Variants in SMG7 observed in about 807,000 individuals in gnomAD.
The protein encoded by SMG7 is nonsense-mediated mRNA decay factor SMG7.
A neutral mutation model predicts 148.2 loss-of-function variants in SMG7; 34 were observed. The ratio of observed to expected loss-of-function variants is 0.23; its 90% CI spans 0.17 to 0.31. The LOEUF is 0.31. Ranked by LOEUF, SMG7 falls within the 10% of genes least tolerant of loss-of-function variation. The probability of loss-of-function intolerance (pLI) is 1.00; values close to 1 mark genes in which losing one functional copy is unlikely to be tolerated. For missense variants in SMG7, 1,114 were observed against 1,408.4 expected, an observed-to-expected ratio of 0.79 and a Z score of 3.35; for synonymous variants, 492 against 515.1, an observed-to-expected ratio of 0.96 and a Z score of 0.61.
chr1:183,475,216 G>A (rs1409315901), intron 1 of SMG7, among the ~76,000 whole-genome samples: 1 of 152,166 alleles, frequency 6.6e-6, no homozygotes, highest in Non-Finnish European at 1.5e-5. Flanking sequence ...AGGGTACACT[G>A]GTGAATAAAA....
At chr1:183,474,092 A>G (rs1230087702) in intron 1 of SMG7, among the ~76,000 whole-genome samples, 1 of 152,168 alleles carries the variant, frequency 6.6e-6, no homozygotes, top group Non-Finnish European at 1.5e-5. Context: ...CCTTTTTTTC[A>G]TCTTAGATAT....
intron 1 of SMG7, among the ~76,000 whole-genome samples, chr1:183,504,728 T>A (rs1660516241): frequency 2.0e-5 from 3 of 152,174 alleles, no homozygotes; most frequent in Admixed American, 2.0e-4. Context: ...ATTTTGTAAT[T>A]ATCCCAAATA....
rs544668153 is a variant in SMG7 at position 183,509,577 on chromosome 1, ATCAAT to A, written c.30-3253_30-3249del. ...TTATATTTTCCATTTAGCTGTCTTT[ATCAAT>A]TCAATTTAGCAAGGTTACTTTTAAA... On this transcript the variant is annotated intron_variant, in intron 1 of 22. Coordinates refer to ENST00000688051, the MANE Select transcript of SMG7 (RefSeq NM_001375584.1). Among the ~76,000 whole-genome samples, 78 of 152,258 alleles carry A rather than the reference ATCAAT, an allele frequency of 5.1e-4. 2 individuals are homozygous for A. The South Asian group carries it at 0.016, about 30-fold the overall frequency.
At chr1:183,506,033 T>A (rs1217465341) in intron 1 of SMG7, among the ~76,000 whole-genome samples, 1 of 152,220 alleles carries the variant, frequency 6.6e-6, no homozygotes, top group African/African-American at 2.4e-5. Context: ...TCTCACAATT[T>A]GTTCTGTCTG....
chr1:183,539,490 A>C (rs1442254913), intron 12 of SMG7, among the ~76,000 whole-genome samples: 1 of 152,050 alleles, frequency 6.6e-6, no homozygotes, highest in Non-Finnish European at 1.5e-5. Flanking sequence ...AATCAAATCC[A>C]TCCCTATGTC....
At chr1:183,487,700 C>G (rs533106460) in intron 1 of SMG7, among the ~76,000 whole-genome samples, 1 of 152,326 alleles carries the variant, frequency 6.6e-6, no homozygotes, top group Admixed American at 6.5e-5. Context: ...AATGGATTAG[C>G]CACAGTCCCC....
In SMG7 at chr1:183,553,037, A is replaced by G. The variant is rs1350477399; in HGVS notation, c.*1106A>G. Reference sequence around the variant, plus strand: ...AAGACAGTCTGAAGAGGAAGGAAGCAGCAGTATCTGCGTAGCCCACAGAGG... The same window carrying G: ...AAGACAGTCTGAAGAGGAAGGAAGCGGCAGTATCTGCGTAGCCCACAGAGG... On this transcript the variant is annotated 3_prime_UTR_variant, in exon 23 of 23. Coordinates refer to ENST00000688051, the MANE Select transcript of SMG7 (RefSeq NM_001375584.1). The G allele has an allele frequency of 6.5e-7, 1 of 1,536,176 alleles. No homozygotes were observed. Among genetic ancestry groups the G allele is most frequent in the Non-Finnish European group, 8.7e-7 (1 of 1,146,954 alleles).
intron 1 of SMG7, among the ~76,000 whole-genome samples, chr1:183,494,234 A>C (rs1460714641): frequency 6.6e-6 from 1 of 151,848 alleles, no homozygotes; most frequent in Non-Finnish European, 1.5e-5. Context: ...TATATTATAT[A>C]ATTTTATGTA....
intron 12 of SMG7, among the ~76,000 whole-genome samples, chr1:183,538,666 T>C (rs1162550546): frequency 6.6e-6 from 1 of 152,190 alleles, no homozygotes; most frequent in Non-Finnish European, 1.5e-5. Flanking sequence ...GTGCCCTTGA[T>C]CCCATCCCTT....
At chr1:183,482,635 A>G (rs867595203) in intron 1 of SMG7, among the ~76,000 whole-genome samples, 2 of 152,282 alleles carry the variant, frequency 1.3e-5, no homozygotes, top group Middle Eastern at 3.4e-3. Flanking sequence ...ATGTTCACAT[A>G]ACTTATTATA....
chr1:183,520,171 A>G (rs1664462901), intron 4 of SMG7, among the ~76,000 whole-genome samples: 1 of 152,186 alleles, frequency 6.6e-6, no homozygotes, highest in African/African-American at 2.4e-5. Context: ...CTACAAGAGA[A>G]TAATAGTTAA....
At chr1:183,549,141 A>G (rs1670499964) in intron 18 of SMG7, 67 bp from the exon 19 acceptor site, 1 of 1,203,014 alleles carries the variant, frequency 8.3e-7, no homozygotes. Context: ...GTTCCATAGT[A>G]TGGTAAGATT....
chr1:183,500,099 G>A (rs1034160237), intron 1 of SMG7, among the ~76,000 whole-genome samples: 5 of 152,058 alleles, frequency 3.3e-5, no homozygotes, highest in Admixed American at 6.5e-5. Context: ...TGAGATGAGG[G>A]GAAATAGCTT....
At chr1:183,550,406 C>T (rs143984190) in intron 20 of SMG7, among the ~76,000 whole-genome samples, 116 of 152,298 alleles carry the variant, frequency 7.6e-4, no homozygotes, top group Non-Finnish European at 1.4e-3. Flanking sequence ...AACTTAGAGT[C>T]TGACTTAATA....
chr1:183,521,602 A>G (rs1558015835), intron 4 of SMG7, among the ~76,000 whole-genome samples: 1 of 152,200 alleles, frequency 6.6e-6, no homozygotes, highest in Non-Finnish European at 1.5e-5. Context: ...GTTGCAGGCC[A>G]GGCATGGTGG....
chr1:183,501,348 TA>T (rs1659663097), intron 1 of SMG7: 1 of 152,190 alleles, frequency 6.6e-6, no homozygotes, highest in Admixed American at 6.5e-5. Flanking sequence ...ACACAGCTAG[TA>T]AGTGGCAGAG....
At chr1:183,544,220 G>A in intron 14 of SMG7, 133 bp from the exon 15 acceptor site, 6 of 618,834 alleles carry the variant, frequency 9.7e-6, no homozygotes, top group Non-Finnish European at 1.7e-5. Context: ...TTTAACTTAG[G>A]TGAATTTAAA....
intron 1 of SMG7, among the ~76,000 whole-genome samples, chr1:183,503,404 A>T (rs1037732026): frequency 1.3e-5 from 2 of 152,154 alleles, no homozygotes; most frequent in East Asian, 3.8e-4. Flanking sequence ...ATCAGAACTA[A>T]TGTTTGGAGA....
chr1:183,547,211 C>T lies in SMG7; in HGVS notation c.2851C>T (p.Leu951=). ...FSNPPDLYPA[L]LGPLASLPGR... ...TAACCCTCCTGATCTTTACCCGGCTCTGCTGGGGCCTCTCGCCTCTCTTCC... is the reference window on the plus strand; with the variant it reads ...TAACCCTCCTGATCTTTACCCGGCTTTGCTGGGGCCTCTCGCCTCTCTTCC... The change falls in exon 18 of 23, where the codon CTG becomes TTG. Residue 951 remains leucine (L), a synonymous_variant. Coordinates refer to ENST00000688051, the MANE Select transcript of SMG7 (RefSeq NM_001375584.1). 6.5e-7 allele frequency: 1 copy of T among 1,550,378 alleles called. No homozygotes were observed. Among genetic ancestry groups the T allele is most frequent in the East Asian group, 2.4e-5 (1 of 40,914 alleles).
Sources: gnomAD v4.1 joint callset for allele counts (sites outside exome capture counted in the v4.1 genomes callset) on GRCh38, gnomAD v4.1.1 for gene constraint, MANE v1.5 for transcripts, NCBI Gene and HGNC (gene_info 2026-07-23, HGNC 2026-07-21) for gene names.